ADAMTS17: variants seen among roughly 807,000 people sequenced by gnomAD.
ADAMTS17 encodes A disintegrin and metalloproteinase with thrombospondin motifs 17.
A neutral mutation model predicts 141.5 loss-of-function variants in ADAMTS17; 113 were observed. The ratio of observed to expected loss-of-function variants is 0.80; its 90% CI spans 0.69 to 0.93. The LOEUF is 0.93. Among genes scored for constraint, ADAMTS17 ranks in the 40% least tolerant of loss-of-function variants. ADAMTS17 has a pLI of 0.00. For missense variants in ADAMTS17, 1,659 were observed against 1,517.9 expected (o/e 1.09, Z -1.54); for synonymous variants, 768 against 630.6 (o/e 1.22, Z -3.27).
At position 100,262,334 on chromosome 15, in the gene ADAMTS17, G is replaced by C; in HGVS notation, c.873+18C>G. 1 of 1,611,418 alleles carries C rather than the reference G, an allele frequency of 6.2e-7. No individual in the cohort carries two copies. Among genetic ancestry groups the C allele is most frequent in the Non-Finnish European group, 8.5e-7 (1 of 1,177,802 alleles). Reference sequence around the variant, plus strand: ...GCCACATTTTCTGCTTGCTTGAAAGGTGCCTGTGGGGACTTACGGGACGTT... The same window carrying C: ...GCCACATTTTCTGCTTGCTTGAAAGCTGCCTGTGGGGACTTACGGGACGTT... On this transcript the variant is annotated intron_variant, in intron 5 of 21. Coordinates refer to ENST00000268070, the MANE Select transcript of ADAMTS17 (RefSeq NM_139057.4).
chr15:100,063,803 G>A (rs1194580846), intron 15 of ADAMTS17: 1 of 1,255,964 alleles, frequency 8.0e-7, no homozygotes, highest in Admixed American at 2.3e-5. Flanking sequence ...CCTCCACCCT[G>A]CACCAGAGGC....
intron 18 of ADAMTS17, among the ~76,000 whole-genome samples, chr15:100,038,656 C>T (rs2030976069): frequency 6.6e-6 from 1 of 151,602 alleles, no homozygotes; most frequent in East Asian, 1.9e-4. Context: ...TTGATTTTTC[C>T]TTATTGATCT....
At chr15:100,240,257 A>C (rs1319798318) in intron 7 of ADAMTS17, among the ~76,000 whole-genome samples, 1 of 152,146 alleles carries the variant, frequency 6.6e-6, no homozygotes, top group African/African-American at 2.4e-5. Flanking sequence ...TCCAATCCCC[A>C]GGCCTAAGTG....
intron 15 of ADAMTS17, among the ~76,000 whole-genome samples, chr15:100,059,365 C>T (rs535696113): frequency 5.9e-5 from 9 of 152,336 alleles, no homozygotes; most frequent in East Asian, 3.9e-4. Flanking sequence ...CTCGGGACAG[C>T]GTGCTCCTAG....
At chr15:100,274,137 G>GA (rs772029759) in intron 4 of ADAMTS17, among the ~76,000 whole-genome samples, 1 of 151,800 alleles carries the variant, frequency 6.6e-6, no homozygotes, top group African/African-American at 2.4e-5. Flanking sequence ...TTCCCTTGAG[G>GA]AAAAAAAAGT....
At chr15:100,127,991 G>A (rs544641318) in intron 12 of ADAMTS17, among the ~76,000 whole-genome samples, 11 of 152,020 alleles carry the variant, frequency 7.2e-5, no homozygotes, top group Non-Finnish European at 1.0e-4. Flanking sequence ...AACCCAGTGC[G>A]TGGTGCAGGT....
chr15:100,313,059 T>C (rs2045453677), intron 3 of ADAMTS17, among the ~76,000 whole-genome samples: 1 of 152,210 alleles, frequency 6.6e-6, no homozygotes, highest in Non-Finnish European at 1.5e-5. Flanking sequence ...AAAGCATTAA[T>C]CTGAGATGGC....
intron 8 of ADAMTS17, among the ~76,000 whole-genome samples, chr15:100,186,599 G>A (rs945286850): frequency 6.6e-6 from 1 of 152,194 alleles, no homozygotes; most frequent in Non-Finnish European, 1.5e-5. Flanking sequence ...CCCGGGGCAG[G>A]CAGGAAGCAA....
rs2044981722 is a variant in ADAMTS17 at position 100,300,247 on chromosome 15, C to T, written c.617-18846G>A. ...TCCCTCAAGATAGAAGAGGGAGAGA[C>T]ACCACAAGAGAGAGTGCTCAACCAA... On this transcript the variant is annotated intron_variant, in intron 3 of 21. Transcript: ENST00000268070. Among the ~76,000 whole-genome samples the T allele has an allele frequency of 1.3e-5, 2 of 152,118 alleles. 1 individual carries two copies. The highest frequency in any genetic ancestry group is 4.1e-4 in the South Asian group (2 of 4,826).
At chr15:100,201,425 T>G (rs923569472) in intron 7 of ADAMTS17, among the ~76,000 whole-genome samples, 3 of 152,178 alleles carry the variant, frequency 2.0e-5, no homozygotes, top group African/African-American at 7.2e-5. Flanking sequence ...TCCCCAGCCA[T>G]GCAGAACTGA....
chr15:100,142,009 A>C (rs750214746), intron 10 of ADAMTS17, among the ~76,000 whole-genome samples: 6 of 152,232 alleles, frequency 3.9e-5, no homozygotes, highest in Admixed American at 2.6e-4. Flanking sequence ...GACAGACCTC[A>C]TTTAGATGAG....
chr15:100,244,521 T>C (rs1378344905), intron 7 of ADAMTS17, among the ~76,000 whole-genome samples: 1 of 151,818 alleles, frequency 6.6e-6, no homozygotes, highest in Non-Finnish European at 1.5e-5. Flanking sequence ...TTCTTTCCTG[T>C]GCTGTTCTGG....
At chr15:100,236,983 G>A (rs2042677677) in intron 7 of ADAMTS17, among the ~76,000 whole-genome samples, 1 of 152,076 alleles carries the variant, frequency 6.6e-6, no homozygotes, top group Admixed American at 6.5e-5. Flanking sequence ...TCTCATCTCT[G>A]CACAACATGA....
At chr15:100,210,883 C>T (rs8032841) in intron 7 of ADAMTS17, among the ~76,000 whole-genome samples, 37,782 of 151,918 alleles carry the variant, frequency 0.25, 5,462 homozygotes, top group Middle Eastern at 0.36. Flanking sequence ...GGGCGGATCA[C>T]GAGGTCAGGA....
chr15:100,129,338 A>C (rs2037912879), intron 12 of ADAMTS17: 1 of 152,264 alleles, frequency 6.6e-6, no homozygotes, highest in Non-Finnish European at 1.5e-5. Context: ...TGTGAGTGCT[A>C]ATAACAAGAG....
intron 6 of ADAMTS17, among the ~76,000 whole-genome samples, chr15:100,258,703 G>A (rs927873775): frequency 4.6e-5 from 7 of 152,108 alleles, no homozygotes; most frequent in African/African-American, 2.4e-5. Context: ...ATGAGATTTG[G>A]GTGGGGACAC....
intron 8 of ADAMTS17, among the ~76,000 whole-genome samples, chr15:100,178,555 T>C (rs994692347): frequency 6.6e-6 from 1 of 152,244 alleles, no homozygotes; most frequent in East Asian, 1.9e-4. Flanking sequence ...CTCTATAATA[T>C]GTAGTTGTAC....
chr15:99,995,824 G>A (rs73480553), intron 19 of ADAMTS17, among the ~76,000 whole-genome samples: 1,541 of 152,324 alleles, frequency 0.01, 26 homozygotes, highest in African/African-American at 0.031. Context: ...TCAGAAGGAA[G>A]CATTTTGCTC....
At chr15:100,132,198 T>G in intron 11 of ADAMTS17, 46 bp from the exon 12 acceptor site, 3 of 1,598,784 alleles carry the variant, frequency 1.9e-6, no homozygotes, top group Non-Finnish European at 2.6e-6. Context: ...TCAGCAGAGC[T>G]GCTCACTCCA....
Sources: allele counts gnomAD v4.1 joint callset (sites outside exome capture counted in the v4.1 genomes callset), GRCh38; gene constraint gnomAD v4.1.1; transcripts MANE v1.5; gene names NCBI Gene and HGNC (gene_info 2026-07-23, HGNC 2026-07-21).